The following PTPRN2 variants were observed in gnomAD, a reference collection of about 807,000 sequenced individuals.
The protein encoded by PTPRN2 is protein tyrosine phosphatase receptor type N2, also known as receptor-type tyrosine-protein phosphatase N2.
In PTPRN2, 74 loss-of-function variants were observed where a neutral mutation model predicts 118.8. That is an observed-to-expected ratio of 0.62 (90% CI 0.52 to 0.76). PTPRN2 has a LOEUF of 0.76. Among genes scored for constraint, PTPRN2 ranks in the 30% least tolerant of loss-of-function variants. The pLI, the probability that PTPRN2 is intolerant of heterozygous loss-of-function variation, is 0.00. For synonymous variants in PTPRN2, 641 were observed against 608.0 expected (o/e 1.05, Z -0.80); for missense variants, 1,481 against 1,394.4 (o/e 1.06, Z -0.99).
chr7:158,482,106 G>A (rs1305952843), intron 2 of PTPRN2, among the ~76,000 whole-genome samples: 1 of 152,216 alleles, frequency 6.6e-6, no homozygotes, highest in Non-Finnish European at 1.5e-5. Flanking sequence ...TTTAACAGGT[G>A]AGGAGTTGCT....
At chr7:158,472,541 T>C (rs1733132) in intron 2 of PTPRN2, among the ~76,000 whole-genome samples, 106,012 of 152,084 alleles carry the variant, frequency 0.7, 37,140 homozygotes, top group Admixed American at 0.78. Flanking sequence ...TTATTCCAGC[T>C]CAAGAATATC....
At chr7:158,372,118 C>T (rs1029682725) in intron 2 of PTPRN2, among the ~76,000 whole-genome samples, 12 of 152,170 alleles carry the variant, frequency 7.9e-5, no homozygotes, top group African/African-American at 2.4e-4. Context: ...AGGCTTGCCC[C>T]GAGCCCCAGC....
chr7:158,310,627 A>G (rs1485864292), intron 3 of PTPRN2, among the ~76,000 whole-genome samples: 4 of 152,172 alleles, frequency 2.6e-5, no homozygotes, highest in African/African-American at 9.7e-5. Flanking sequence ...TGCCCTGCGC[A>G]GCCTGAGCCA....
At chr7:157,898,042 C>T (rs1797235153) in intron 12 of PTPRN2, among the ~76,000 whole-genome samples, 1 of 152,264 alleles carries the variant, frequency 6.6e-6, no homozygotes, top group African/African-American at 2.4e-5. Context: ...CGGGGAGGCG[C>T]CTGCGGCTCC....
chr7:157,721,820 T>C (rs1351527181), intron 12 of PTPRN2, among the ~76,000 whole-genome samples: 2 of 152,188 alleles, frequency 1.3e-5, no homozygotes, highest in African/African-American at 4.8e-5. Flanking sequence ...GGGCTCCCGC[T>C]GGAGGATGGT....
intron 2 of PTPRN2, among the ~76,000 whole-genome samples, chr7:158,405,447 A>G (rs985052922): frequency 1.3e-5 from 2 of 152,208 alleles, no homozygotes; most frequent in African/African-American, 4.8e-5. Context: ...CCTGGAGGAA[A>G]TGTTTTTTTA....
intron 1 of PTPRN2, among the ~76,000 whole-genome samples, chr7:158,560,153 G>T (rs150420371): frequency 1.1e-3 from 163 of 152,334 alleles, no homozygotes; most frequent in Non-Finnish European, 1.9e-3. Flanking sequence ...GGTGTAGCAC[G>T]CTGAAGACTG....
chr7:157,686,676 G>A (rs1797211544), intron 12 of PTPRN2, among the ~76,000 whole-genome samples: 2 of 152,202 alleles, frequency 1.3e-5, no homozygotes, highest in Admixed American at 1.3e-4. Context: ...TTATGACTTT[G>A]ACATTTACAG....
rs1388565629 is a variant in PTPRN2 at position 158,424,921 on chromosome 7, G to A, written c.163+64814C>T. On this transcript the variant is annotated intron_variant, in intron 2 of 22. Transcript: ENST00000389418. ...AGGTCCGGGGATCTCGGGGCCCACA[G>A]GCATTAACCATCAGCCTAATCTCCC... Among the ~76,000 whole-genome samples, 8 of 152,164 alleles carry A rather than the reference G, an allele frequency of 5.3e-5. No individual in the cohort carries two copies. The East Asian group carries it at 1.5e-3, about 29-fold the overall frequency.
intron 1 of PTPRN2, among the ~76,000 whole-genome samples, chr7:158,522,082 TGCTGGCTCAGGAGGGAGGTCC>T (rs1563388927): frequency 1.3e-5 from 1 of 75,140 alleles, no homozygotes; most frequent in African/African-American, 6.6e-5. Flanking sequence ...ACTGTCCAGG[TGCTGGCTCAGGAGGGAGGTCC>T]ACGTCACAAT....
intron 22 of PTPRN2, among the ~76,000 whole-genome samples, chr7:157,544,427 C>A (rs1160053237): frequency 1.3e-5 from 2 of 152,168 alleles, no homozygotes; most frequent in South Asian, 2.1e-4. Context: ...GGCTTTAGGA[C>A]AAGGGGCTGG....
intron 16 of PTPRN2, among the ~76,000 whole-genome samples, chr7:157,597,746 G>A (rs1042404964): frequency 6.6e-6 from 1 of 152,186 alleles, no homozygotes; most frequent in Non-Finnish European, 1.5e-5. Flanking sequence ...GGGGATGGCT[G>A]AACAGGAAGT....
chr7:157,774,266 C>T (rs67717643), intron 12 of PTPRN2, among the ~76,000 whole-genome samples: 17,704 of 152,234 alleles, frequency 0.12, 1,095 homozygotes, highest in Middle Eastern at 0.19. Flanking sequence ...CACAGAGATG[C>T]GCTGAATAGA....
At chr7:157,740,637 A>T (rs1800583323) in intron 12 of PTPRN2, among the ~76,000 whole-genome samples, 1 of 152,192 alleles carries the variant, frequency 6.6e-6, no homozygotes, top group African/African-American at 2.4e-5. Context: ...CTTTCCCCAG[A>T]GAGGGCTCCA....
intron 17 of PTPRN2, among the ~76,000 whole-genome samples, chr7:157,592,656 T>C (rs1801052367): frequency 7.0e-6 from 1 of 142,114 alleles, no homozygotes; most frequent in South Asian, 2.3e-4. Context: ...GGACAGAGGG[T>C]GGATGTGGCA....
At chr7:157,703,360 A>G (rs540065592) in intron 12 of PTPRN2, among the ~76,000 whole-genome samples, 135 of 152,296 alleles carry the variant, frequency 8.9e-4, no homozygotes, top group African/African-American at 3.2e-3. Flanking sequence ...GCCCATGGAC[A>G]GGGGCTAACA....
rs71544543 is a variant in PTPRN2, at chr7:158,158,780, G to A, written c.910+8151C>T. ...GAATCAGGAGCCCGTGTGATTGGCC[G>A]GGACTTCGCAAGTGCTTCCTGAATG... On this transcript the variant is annotated intron_variant, in intron 6 of 22. Coordinates refer to ENST00000389418, the MANE Select transcript of PTPRN2 (RefSeq NM_002847.5). 3.9e-4 allele frequency among the ~76,000 whole-genome samples: 28 copies of A among 71,444 alleles called. 4 individuals carry two copies. Among genetic ancestry groups the A allele is most frequent in the Admixed American group, 1.4e-4 (1 of 7,206 alleles). The allele number at this position is 71,444 out of a possible 152,430, so 46.9% of individuals were successfully genotyped here.
intron 3 of PTPRN2, among the ~76,000 whole-genome samples, chr7:158,248,597 A>G (rs1227386126): frequency 6.6e-6 from 1 of 150,710 alleles, no homozygotes; most frequent in Admixed American, 6.6e-5. Flanking sequence ...CCACACACGG[A>G]CCCACATCAC....
At chr7:157,769,176 C>T (rs1255431818) in intron 12 of PTPRN2, among the ~76,000 whole-genome samples, 2 of 152,170 alleles carry the variant, frequency 1.3e-5, no homozygotes, top group Non-Finnish European at 2.9e-5. Context: ...GGTTGAATGT[C>T]CTCATTATTC....
Sources: gnomAD v4.1 joint callset for allele counts (sites outside exome capture counted in the v4.1 genomes callset) on GRCh38, gnomAD v4.1.1 for gene constraint, MANE v1.5 for transcripts, NCBI Gene and HGNC (gene_info 2026-07-23, HGNC 2026-07-21) for gene names.